Variants in SPATA6L observed in about 807,000 individuals in gnomAD.
SPATA6L encodes spermatogenesis associated 6 like.
SPATA6L carries 68 observed loss-of-function variants against 49.2 expected under a neutral mutation model. That is an observed-to-expected ratio of 1.38 (90% CI 1.14 to 1.69). The LOEUF (loss-of-function observed/expected upper bound fraction) is 1.69, where lower values mean the gene tolerates loss of function less well. Among genes scored for constraint, SPATA6L ranks in the 40% most tolerant of loss-of-function variants. The probability of loss-of-function intolerance (pLI) is 0.00; values close to 1 mark genes in which losing one functional copy is unlikely to be tolerated. For synonymous variants in SPATA6L, 198 were observed against 165.7 expected, an observed-to-expected ratio of 1.19 and a Z score of -1.50; for missense variants, 668 against 464.3, an observed-to-expected ratio of 1.44 and a Z score of -4.03.
chr9:4,592,403 C>T (rs531758149), intron 13 of SPATA6L, among the ~76,000 whole-genome samples: 1 of 152,096 alleles, frequency 6.6e-6, no homozygotes, highest in African/African-American at 2.4e-5. Context: ...GCAAGCAGTG[C>T]TCTTACCACT....
At chr9:4,629,330 T>C (rs949268516) in intron 4 of SPATA6L, among the ~76,000 whole-genome samples, 162 bp from the exon 5 acceptor site, 3 of 152,180 alleles carry the variant, frequency 2.0e-5, no homozygotes, top group Non-Finnish European at 4.4e-5. Context: ...TAAACACTTA[T>C]GTAATATATA....
At chr9:4,592,240 T>C (rs1042755408) in intron 13 of SPATA6L, among the ~76,000 whole-genome samples, 1 of 145,916 alleles carries the variant, frequency 6.9e-6, no homozygotes, top group Non-Finnish European at 1.5e-5. Context: ...GCTTGAACCC[T>C]GGAGGTGGAG....
intron 6 of SPATA6L, among the ~76,000 whole-genome samples, chr9:4,625,010 C>T (rs1830073805): frequency 6.6e-6 from 1 of 152,128 alleles, no homozygotes; most frequent in East Asian, 1.9e-4. Context: ...CATTTGCAAC[C>T]TCTGTCAGTT....
At chr9:4,646,957 T>A (rs749686643) in intron 3 of SPATA6L, among the ~76,000 whole-genome samples, 31 of 151,902 alleles carry the variant, frequency 2.0e-4, no homozygotes, top group Non-Finnish European at 3.8e-4. Flanking sequence ...TCAGAAAAAA[T>A]AACTATTGGA....
At chr9:4,641,565 G>C (rs112635627) in intron 3 of SPATA6L, among the ~76,000 whole-genome samples, 4 of 152,162 alleles carry the variant, frequency 2.6e-5, no homozygotes, top group African/African-American at 9.6e-5. Flanking sequence ...ACAAGAAAAA[G>C]TCTGTACATG....
At chr9:4,613,222 T>C (rs1223330837) in intron 9 of SPATA6L, among the ~76,000 whole-genome samples, 7 of 149,704 alleles carry the variant, frequency 4.7e-5, no homozygotes, top group Admixed American at 2.7e-4. Context: ...AGCAAGATTC[T>C]ATCTCAAAAA....
At chr9:4,598,151 A>T (rs1743602677), downstream of SPATA6L, among the ~76,000 whole-genome samples, 1 of 152,132 alleles carries the variant, frequency 6.6e-6, no homozygotes, top group Non-Finnish European at 1.5e-5. Flanking sequence ...ATTGTACAGC[A>T]GCTTTTGTTT....
chr9:4,638,565 G>C (rs79399638), intron 3 of SPATA6L, among the ~76,000 whole-genome samples: 8,087 of 151,930 alleles, frequency 0.053, 314 homozygotes, highest in Middle Eastern at 0.089. Context: ...GTCTCATCCT[G>C]GCCTTCTTCA....
At position 4,618,036 on chromosome 9, in the gene SPATA6L, T is replaced by C. The variant is rs1201057308; in HGVS notation, c.882A>G (p.Gly294=). Reference sequence around the variant, plus strand: ...CCCCTTGTTTACTGGATGAAGACTTTCCAAACTGACTTGAATCTAAACATG... The same window carrying C: ...CCCCTTGTTTACTGGATGAAGACTTCCCAAACTGACTTGAATCTAAACATG... ...SSSCLDSSQF[G]KSSSSKQGDA... Residue 294 remains glycine, a synonymous_variant, in exon 9 of 12, where the codon GGA becomes GGG. Transcript: ENST00000682582. The C allele has an allele frequency of 6.2e-7, 1 of 1,613,978 alleles. No individual in the cohort carries two copies. Among genetic ancestry groups the C allele is most frequent in the African/African-American group, 1.3e-5 (1 of 74,926 alleles).
chr9:4,611,944 A>G (rs997192189), intron 9 of SPATA6L, among the ~76,000 whole-genome samples: 6 of 152,122 alleles, frequency 3.9e-5, no homozygotes, highest in Non-Finnish European at 2.9e-5. Context: ...CTTGGACTCA[A>G]GCAATCCTCC....
At position 4,662,330 on chromosome 9, in the gene SPATA6L, C is replaced by G; in HGVS notation, c.40-294G>C. The stretch of plus-strand genomic sequence containing the variant: ...GGAAGAGGCTGCAGGGCCGGGAAGC[C>G]TCTGTTTGGTCCGGCCAGGTCCCGG... On this transcript the variant is annotated intron_variant, in intron 1 of 11. Coordinates refer to ENST00000682582, the MANE Select transcript of SPATA6L (RefSeq NM_001353486.2). The surrounding 1 kb of genome is among the most constrained non-coding windows in gnomAD (Gnocchi z 4.9). 8 of 1,456,090 alleles carry G rather than the reference C, an allele frequency of 5.5e-6. No individual in the cohort carries two copies. Among genetic ancestry groups the G allele is most frequent in the South Asian group, 2.8e-5 (2 of 71,444 alleles). The allele number at this position is 1,456,090 out of a possible 1,614,324, so 90.2% of individuals were successfully genotyped here. A position where few individuals can be genotyped will look rare whatever the true frequency, so the allele number is the denominator to read the frequency against.
At chr9:4,605,246 C>A in intron 10 of SPATA6L, 101 bp downstream of exon 10, 1 of 868,732 alleles carries the variant, frequency 1.2e-6, no homozygotes, top group South Asian at 1.5e-5. Context: ...CCACTTATTT[C>A]TGTGGTTATT....
intron 3 of SPATA6L, among the ~76,000 whole-genome samples, chr9:4,655,526 T>C (rs141257646): frequency 5.5e-4 from 84 of 151,858 alleles, no homozygotes; most frequent in African/African-American, 1.7e-3. Context: ...TCAAAGCCCA[T>C]CTATATTTAG....
At chr9:4,619,214 A>G (rs1179867558) in intron 7 of SPATA6L, among the ~76,000 whole-genome samples, 1 of 147,234 alleles carries the variant, frequency 6.8e-6, no homozygotes, top group African/African-American at 2.5e-5. Context: ...CTGGAGTGCA[A>G]TGGCACAATC....
At position 4,662,947 on chromosome 9, in the gene SPATA6L, G is replaced by T; in HGVS notation, c.40-911C>A. 1 of 1,611,788 alleles carries T rather than the reference G, an allele frequency of 6.2e-7. No individual in the cohort carries two copies. The highest frequency in any genetic ancestry group is 8.5e-7 in the Non-Finnish European group (1 of 1,179,894). On this transcript the variant is annotated intron_variant, in intron 1 of 11. Coordinates refer to ENST00000682582, the MANE Select transcript of SPATA6L (RefSeq NM_001353486.2). This position sits in a 1 kb window ranked among gnomAD's most constrained non-coding sequence, Gnocchi z 4.9. ...ATCAAAGGGCTGGTCCGCAGGCGCC[G>T]CCCGGCCCACAACCAGATGGACATG...
intron 6 of SPATA6L, among the ~76,000 whole-genome samples, chr9:4,623,109 G>A (rs551740634): frequency 3.3e-5 from 5 of 152,148 alleles, no homozygotes; most frequent in East Asian, 1.9e-4. Context: ...GAGAAACCCC[G>A]TCTCTACTAA....
chr9:4,600,324 T>G lies in SPATA6L; in HGVS notation c.*487A>C, dbSNP rs1262733247. Among the ~76,000 whole-genome samples the G allele has an allele frequency of 6.6e-6, 1 of 152,070 alleles. No homozygotes were observed. Among genetic ancestry groups the G allele is most frequent in the Non-Finnish European group, 1.5e-5 (1 of 68,024 alleles). On this transcript the variant is annotated 3_prime_UTR_variant, in exon 12 of 12. Coordinates refer to ENST00000682582, the MANE Select transcript of SPATA6L (RefSeq NM_001353486.2). ...TAGTGGACTTCACGTAAATCAAGCCTAACACTAAGAAATAAACAAACAACA... is the reference window on the plus strand; with the variant it reads ...TAGTGGACTTCACGTAAATCAAGCCGAACACTAAGAAATAAACAAACAACA...
downstream of SPATA6L, among the ~76,000 whole-genome samples, chr9:4,594,753 G>A (rs949319405): frequency 7.9e-5 from 12 of 152,108 alleles, no homozygotes; most frequent in Non-Finnish European, 8.8e-5. Context: ...ACTGGACATG[G>A]TGTACTCCTG....
At chr9:4,604,148 A>C in intron 11 of SPATA6L, 31 bp downstream of exon 11, 1 of 1,445,186 alleles carries the variant, frequency 6.9e-7, no homozygotes. Context: ...AAGGAGAAGC[A>C]CTTAAGCTGC....
Sources: gnomAD v4.1 joint callset for allele counts (sites outside exome capture counted in the v4.1 genomes callset) on GRCh38, gnomAD v4.1.1 for gene constraint, Gnocchi (gnomAD v3.1) non-coding constraint, MANE v1.5 for transcripts, NCBI Gene and HGNC (gene_info 2026-07-23, HGNC 2026-07-21) for gene names.